Variants in TPH2 observed in about 807,000 individuals in gnomAD.
TPH2 encodes the protein tryptophan hydroxylase 2.
In TPH2, 27 loss-of-function variants were observed where a neutral mutation model predicts 59.1. The ratio of observed to expected loss-of-function variants is 0.46; its 90% confidence interval spans 0.34 to 0.63. The LOEUF is 0.63. Among genes scored for constraint, TPH2 ranks in the 30% least tolerant of loss-of-function variants. The pLI is 0.01. For missense variants in TPH2, 523 were observed against 588.3 expected (o/e 0.89, Z 1.15); for synonymous variants, 220 against 210.5 (o/e 1.05, Z -0.39).
At chr12:71,992,271 A>C (rs886088433) in intron 7 of TPH2, among the ~76,000 whole-genome samples, 2 of 152,106 alleles carry the variant, frequency 1.3e-5, no homozygotes, top group African/African-American at 4.8e-5. Flanking sequence ...TTTGGAGTTC[A>C]AAAAATTTGA....
At chr12:72,010,078 A>T (rs537179561) in intron 8 of TPH2, among the ~76,000 whole-genome samples, 1 of 152,234 alleles carries the variant, frequency 6.6e-6, no homozygotes, top group Non-Finnish European at 1.5e-5. Context: ...TTTTACACAC[A>T]GGGAACCTAA....
chr12:72,025,091 T>C (rs1026592565), intron 9 of TPH2, among the ~76,000 whole-genome samples: 3 of 152,114 alleles, frequency 2.0e-5, no homozygotes, highest in African/African-American at 7.2e-5. Context: ...CACTTCTGAG[T>C]ACTTTTAACC....
In TPH2 at chr12:71,996,076, T is replaced by C. The variant is rs141340325; in HGVS notation, c.1068+1511T>C. Among the ~76,000 whole-genome samples the C allele has an allele frequency of 1.9e-3, 285 of 152,366 alleles. 3 individuals are homozygous for C. The highest frequency in any genetic ancestry group is 6.3e-3 in the African/African-American group (263 of 41,600). ...AGCAGCTTAGCTGAGTGGTTCTGGC[T>C]CAGGGACTCTCAGGACGTTGTAGTC... On this transcript the variant is annotated intron_variant, in intron 8 of 10. Transcript: ENST00000333850.
chr12:71,999,565 A>G (rs1872772203), intron 8 of TPH2, among the ~76,000 whole-genome samples: 1 of 152,212 alleles, frequency 6.6e-6, no homozygotes, highest in Admixed American at 6.5e-5. Context: ...AGTGGAAGTG[A>G]ATTTAATAGA....
chr12:71,946,247 T>C (rs908805828), intron 4 of TPH2, among the ~76,000 whole-genome samples: 1 of 152,160 alleles, frequency 6.6e-6, no homozygotes, highest in Non-Finnish European at 1.5e-5. Flanking sequence ...ATTCCAGAAA[T>C]AGAAATGCTG....
chr12:71,939,004 G>C lies in TPH2; in HGVS notation c.18G>C (p.Met6Ile). ...CGGGATCCATGCAGCCAGCAATGAT[G>C]ATGTTTTCCAGTAAATACTGGGCAC... MQPAM[M>I]MFSSKYWARR... The change falls in exon 1 of 11, where the codon ATG becomes ATC. Residue 6 changes from methionine (M) to isoleucine (I), a missense_variant. Physicochemically the swap from Met to Ile is conservative, Grantham distance 10. Coordinates refer to ENST00000333850, the MANE Select transcript of TPH2 (RefSeq NM_173353.4). 1 of 1,614,090 alleles carries C rather than the reference G, an allele frequency of 6.2e-7. No homozygotes were observed. The highest frequency in any genetic ancestry group is 1.6e-4 in the Middle Eastern group (1 of 6,062).
chr12:72,020,834 T>A (rs1873391338), intron 8 of TPH2, among the ~76,000 whole-genome samples: 1 of 151,808 alleles, frequency 6.6e-6, no homozygotes, highest in African/African-American at 2.4e-5. Context: ...GGAAAAAAAA[T>A]TTTACTTCTG....
intron 7 of TPH2, among the ~76,000 whole-genome samples, chr12:71,985,637 T>A (rs1872410820): frequency 6.6e-6 from 1 of 152,160 alleles, no homozygotes; most frequent in African/African-American, 2.4e-5. Flanking sequence ...GACCTCGTGA[T>A]CCAGCCACCT....
At chr12:72,018,389 G>A (rs997485565) in intron 8 of TPH2, among the ~76,000 whole-genome samples, 5 of 152,180 alleles carry the variant, frequency 3.3e-5, no homozygotes, top group Non-Finnish European at 7.3e-5. Context: ...TTGTATTGAT[G>A]CAGACCTACC....
At chr12:72,012,278 A>C (rs2139236360) in intron 8 of TPH2, among the ~76,000 whole-genome samples, 1 of 152,268 alleles carries the variant, frequency 6.6e-6, no homozygotes, top group South Asian at 2.1e-4. Flanking sequence ...AGGCAGGAAG[A>C]CTGGCAGTTT....
At chr12:71,975,656 G>C (rs1872097888) in intron 6 of TPH2, among the ~76,000 whole-genome samples, 1 of 152,164 alleles carries the variant, frequency 6.6e-6, no homozygotes, top group South Asian at 2.1e-4. Flanking sequence ...AGGACTCAGA[G>C]CAAGTCCTGC....
At chr12:72,006,275 T>G (rs2139231822) in intron 8 of TPH2, among the ~76,000 whole-genome samples, 2 of 152,280 alleles carry the variant, frequency 1.3e-5, no homozygotes, top group Admixed American at 6.5e-5. Flanking sequence ...TATGCAGGAC[T>G]ATCATAATAG....
intron 5 of TPH2, among the ~76,000 whole-genome samples, chr12:71,968,937 G>GT (rs35740727): frequency 0.73 from 111,186 of 152,066 alleles, 41,810 homozygotes; most frequent in Non-Finnish European, 0.82. Context: ...GTTGTAGGAT[G>GT]TTGGAATATG....
At chr12:71,969,354 C>T (rs1204446469) in intron 5 of TPH2, among the ~76,000 whole-genome samples, 1 of 152,184 alleles carries the variant, frequency 6.6e-6, no homozygotes, top group African/African-American at 2.4e-5. Context: ...GGGCACCCCT[C>T]TGGCTCCCTT....
intron 5 of TPH2, among the ~76,000 whole-genome samples, chr12:71,959,184 T>C (rs1205165967): frequency 6.6e-6 from 1 of 152,062 alleles, no homozygotes; most frequent in Admixed American, 6.6e-5. Flanking sequence ...TTTGAGTAGA[T>C]ACATAAATAT....
chr12:72,010,300 TGA>T (rs893944410), intron 8 of TPH2, among the ~76,000 whole-genome samples: 11 of 152,316 alleles, frequency 7.2e-5, no homozygotes, highest in Non-Finnish European at 1.3e-4. Context: ...GTGATTATTA[TGA>T]GAGATAGGTG....
intron 4 of TPH2, among the ~76,000 whole-genome samples, chr12:71,947,958 G>T (rs1299264225): frequency 2.0e-5 from 3 of 152,116 alleles, no homozygotes; most frequent in African/African-American, 7.2e-5. Context: ...CTTTTCACAG[G>T]ACGCTTTTCC....
At chr12:71,992,901 C>G (rs1294854219) in intron 7 of TPH2, among the ~76,000 whole-genome samples, 1 of 152,208 alleles carries the variant, frequency 6.6e-6, no homozygotes, top group Admixed American at 6.5e-5. Context: ...CCCCTATACC[C>G]TAAAATCCAG....
intron 5 of TPH2, among the ~76,000 whole-genome samples, chr12:71,966,817 GA>G (rs1871831422): frequency 6.6e-6 from 1 of 152,100 alleles, no homozygotes; most frequent in African/African-American, 2.4e-5. Flanking sequence ...ATGAATAAGT[GA>G]ATTGCTTCCC....
Sources: allele counts gnomAD v4.1 joint callset (sites outside exome capture counted in the v4.1 genomes callset), GRCh38; gene constraint gnomAD v4.1.1; transcripts MANE v1.5; gene names NCBI Gene and HGNC (gene_info 2026-07-23, HGNC 2026-07-21).